Variants in LGSN observed in about 807,000 individuals in gnomAD.
LGSN encodes the protein lengsin.
In LGSN, 21 loss-of-function variants were observed where a neutral mutation model predicts 19.5. The observed-to-expected ratio is 1.07, with a 90% confidence interval of 0.76 to 1.55. The LOEUF (loss-of-function observed/expected upper bound fraction) is 1.55. Ranked by LOEUF, LGSN falls within the 40% of genes most tolerant of loss-of-function variation. The pLI is 0.00. For synonymous variants in LGSN, 257 were observed against 215.6 expected (o/e 1.19, Z -1.68); for missense variants, 673 against 608.5 (o/e 1.11, Z -1.12).
the LGSN span, chr6:63,443,534 C>T: frequency 1.3e-6 from 1 of 760,710 alleles, no homozygotes; most frequent in South Asian, 4.6e-5. Flanking sequence ...ACAATGTGGT[C>T]CAGGGTCTGC....
the LGSN span, among the ~76,000 whole-genome samples, chr6:63,331,653 G>A: frequency 1.2e-4 from 18 of 152,184 alleles, no homozygotes; most frequent in African/African-American, 4.3e-4. Context: ...CCCTGCCCAA[G>A]AACCCACAAC....
intron 2 of LGSN, among the ~76,000 whole-genome samples, chr6:63,290,971 T>A (rs1451719155): frequency 6.6e-6 from 1 of 152,176 alleles, no homozygotes; most frequent in Non-Finnish European, 1.5e-5. Context: ...GTTCAGAGGT[T>A]GTTAGTGCTC....
the LGSN span, among the ~76,000 whole-genome samples, chr6:63,475,406 C>G: frequency 2.6e-5 from 4 of 151,768 alleles, no homozygotes; most frequent in African/African-American, 9.7e-5. Context: ...TCATACCAAC[C>G]CAACATGGTA....
chr6:63,438,713 T>C, the LGSN span, among the ~76,000 whole-genome samples: 14 of 152,272 alleles, frequency 9.2e-5, no homozygotes, highest in East Asian at 2.7e-3. Context: ...CAACAGGTGC[T>C]GGAGAGGATG....
intron 2 of LGSN, among the ~76,000 whole-genome samples, chr6:63,291,133 C>G (rs1291056896): frequency 1.3e-5 from 2 of 152,304 alleles, no homozygotes; most frequent in African/African-American, 4.8e-5. Flanking sequence ...TGCACTCAAA[C>G]CACTTATGGG....
chr6:63,510,927 T>C, the LGSN span, among the ~76,000 whole-genome samples: 4 of 152,018 alleles, frequency 2.6e-5, no homozygotes, highest in African/African-American at 9.7e-5. Flanking sequence ...ATCCTGCCTC[T>C]GCCTCTCAAA....
the LGSN span, among the ~76,000 whole-genome samples, chr6:63,329,510 C>T: frequency 1.3e-5 from 2 of 152,216 alleles, no homozygotes; most frequent in Non-Finnish European, 2.9e-5. Flanking sequence ...GCTGCATTTC[C>T]TTACTAAGCC....
At chr6:63,383,540 T>C in the LGSN span, among the ~76,000 whole-genome samples, 16,433 of 151,958 alleles carry the variant, frequency 0.11, 1,849 homozygotes, top group African/African-American at 0.29. Context: ...AGGTAACTAC[T>C]TGATGATCAT....
At chr6:63,342,309 T>C in the LGSN span, among the ~76,000 whole-genome samples, 1 of 152,240 alleles carries the variant, frequency 6.6e-6, no homozygotes. Context: ...ATATTATTTA[T>C]GCAATTATAG....
chr6:63,458,584 G>C, the LGSN span, among the ~76,000 whole-genome samples: 2 of 152,116 alleles, frequency 1.3e-5, no homozygotes, highest in African/African-American at 2.4e-5. Flanking sequence ...CTAGGACCCA[G>C]CTAAGGTTGG....
At chr6:63,287,401 A>G (rs1438796444) in intron 2 of LGSN, among the ~76,000 whole-genome samples, 1 of 152,162 alleles carries the variant, frequency 6.6e-6, no homozygotes, top group Non-Finnish European at 1.5e-5. Flanking sequence ...ATTTTAAAAT[A>G]TGGAAATTTG....
At chr6:63,562,309 T>A in the LGSN span, among the ~76,000 whole-genome samples, 1 of 151,928 alleles carries the variant, frequency 6.6e-6, no homozygotes, top group Non-Finnish European at 1.5e-5. Flanking sequence ...AAGTGATTCT[T>A]CTGCCTCAGC....
chr6:63,376,722 T>C, the LGSN span, among the ~76,000 whole-genome samples: 14 of 152,164 alleles, frequency 9.2e-5, no homozygotes, highest in Non-Finnish European at 1.8e-4. Context: ...AAAAAGGAAA[T>C]AGGAAATTGT....
the LGSN span, among the ~76,000 whole-genome samples, chr6:63,412,464 A>AAGAAAGAAAGAAGGAAAG: frequency 2.9e-4 from 37 of 128,708 alleles, 2 homozygotes; most frequent in African/African-American, 1.1e-3. Flanking sequence ...GAAAGAAAGA[A>AAGAAAGAAAGAAGGAAAG]AAAGAGAGAG....
chr6:63,548,559 T>A, the LGSN span: 1 of 254,400 alleles, frequency 3.9e-6, no homozygotes, highest in Non-Finnish European at 7.7e-6. Flanking sequence ...TATTCCTCTC[T>A]CCAAGCACAG....
rs779193711 is a variant in LGSN, at chr6:63,280,250, C to G, written c.1301G>C (p.Ser434Thr). The G allele has an allele frequency of 1.9e-6, 3 of 1,614,112 alleles. No individual in the cohort carries two copies. Residue 434 changes from serine (S) to threonine (T), a missense_variant, in exon 4 of 4, where the codon AGT becomes ACT. Transcript: ENST00000370657. ...VAAGLDGLHS[S>T]NEVLAGPDES... ...ATCTGGACCAGCCAAGACCTCATTA[C>G]TGCTATGAAGTCCATCTAAGCCGGC...
chr6:63,510,764 C>T, the LGSN span, among the ~76,000 whole-genome samples: 9 of 147,280 alleles, frequency 6.1e-5, no homozygotes, highest in South Asian at 1.9e-3. Context: ...ACCTCTGCCT[C>T]CTGGATTCAA....
At chr6:63,375,904 T>A in the LGSN span, among the ~76,000 whole-genome samples, 2 of 152,212 alleles carry the variant, frequency 1.3e-5, no homozygotes, top group Admixed American at 6.5e-5. Context: ...ATCATGATAA[T>A]CACTTTCTAC....
chr6:63,485,983 G>A, the LGSN span, among the ~76,000 whole-genome samples: 33 of 152,210 alleles, frequency 2.2e-4, no homozygotes, highest in Non-Finnish European at 4.1e-4. Context: ...ACCTGTTTCA[G>A]CCTCCCAAAG....
Sources: gnomAD v4.1 joint callset for allele counts (sites outside exome capture counted in the v4.1 genomes callset) on GRCh38, gnomAD v4.1.1 for gene constraint, MANE v1.5 for transcripts, NCBI Gene and HGNC (gene_info 2026-07-23, HGNC 2026-07-21) for gene names.